The following FMN1 variants were observed in gnomAD, a reference collection of about 807,000 sequenced individuals.
FMN1 encodes the protein formin 1.
Under a neutral mutation model 132.4 loss-of-function variants are expected in FMN1, and 110 were observed. The observed-to-expected ratio is 0.83, with a 90% CI of 0.71 to 0.97. FMN1 has a LOEUF of 0.97. Among genes scored for constraint, FMN1 ranks in the 50% least tolerant of loss-of-function variants. FMN1 has a pLI of 0.00. For synonymous variants in FMN1, 722 were observed against 651.7 expected, an observed-to-expected ratio of 1.11 and a Z score of -1.64; for missense variants, 1,792 against 1,705.3, an observed-to-expected ratio of 1.05 and a Z score of -0.90.
chr15:32,905,048 A>C (rs1213451552), intron 12 of FMN1, among the ~76,000 whole-genome samples: 1 of 152,262 alleles, frequency 6.6e-6, no homozygotes, highest in Non-Finnish European at 1.5e-5. Flanking sequence ...AGAAGACTAA[A>C]TATTCCCAAA....
chr15:33,027,784 G>C (rs1277681067), intron 6 of FMN1, among the ~76,000 whole-genome samples: 1 of 152,110 alleles, frequency 6.6e-6, no homozygotes, highest in Non-Finnish European at 1.5e-5. Context: ...TACATACACA[G>C]CACCTGTTGT....
At position 33,060,575 on chromosome 15, in the gene FMN1, CAT is replaced by C. The variant is rs1172005644; in HGVS notation, c.2161+4380_2161+4381del. ...AAAGATGTGTCTGCTGGAGAGGCCA[CAT>C]GTCTTGACAATTTGCTTACTTTCAA... On this transcript the variant is annotated intron_variant, in intron 6 of 20. Coordinates refer to ENST00000616417, the MANE Select transcript of FMN1 (RefSeq NM_001277313.2). Among the ~76,000 whole-genome samples, 11 of 152,298 alleles carry C rather than the reference CAT, an allele frequency of 7.2e-5. No individual in the cohort carries two copies. The East Asian group carries it at 2.1e-3, about 29-fold the overall frequency.
chr15:32,999,729 G>C (rs932318546), intron 7 of FMN1, among the ~76,000 whole-genome samples: 1 of 152,184 alleles, frequency 6.6e-6, no homozygotes, highest in Non-Finnish European at 1.5e-5. Context: ...ACAACCCAAA[G>C]AACATTAGTT....
chr15:32,908,680 A>G (rs1567372162), intron 11 of FMN1, 102 bp from the exon 12 acceptor site: 3 of 696,878 alleles, frequency 4.3e-6, no homozygotes, highest in Non-Finnish European at 7.2e-6. Context: ...TGTGGTTCCT[A>G]GACTAGCAGC....
rs138234600 is a variant in FMN1 at position 32,911,990 on chromosome 15, A to G, written c.3227-1455T>C. Among the ~76,000 whole-genome samples the G allele has an allele frequency of 1.1e-3, 171 of 152,342 alleles. 1 individual carries two copies. The highest frequency in any genetic ancestry group is 4.0e-3 in the African/African-American group (165 of 41,584). On this transcript the variant is annotated intron_variant, in intron 10 of 20. Coordinates refer to ENST00000616417, the MANE Select transcript of FMN1 (RefSeq NM_001277313.2). Reference sequence around the variant, plus strand: ...TAGTGCGTTGAAAACCAAAATAGCCAGAAACAATGTCTATTTTATGTAAAT... The same window carrying G: ...TAGTGCGTTGAAAACCAAAATAGCCGGAAACAATGTCTATTTTATGTAAAT...
intron 9 of FMN1, among the ~76,000 whole-genome samples, chr15:32,943,706 T>C (rs1596319838): frequency 6.6e-6 from 1 of 152,220 alleles, no homozygotes; most frequent in Admixed American, 6.5e-5. Flanking sequence ...AAATTATAAA[T>C]TAGTATAGGG....
At chr15:33,058,824 A>T (rs1483487915) in intron 6 of FMN1, among the ~76,000 whole-genome samples, 4 of 152,254 alleles carry the variant, frequency 2.6e-5, no homozygotes, top group Non-Finnish European at 1.5e-5. Flanking sequence ...GTTTTGATAC[A>T]GGCATACCAT....
intron 6 of FMN1, among the ~76,000 whole-genome samples, chr15:33,042,596 G>C (rs774273788): frequency 2.0e-5 from 3 of 152,166 alleles, no homozygotes; most frequent in African/African-American, 2.4e-5. Context: ...ATATAAAAGT[G>C]ATTTATAAAC....
chr15:32,862,300 G>C (rs112642299), intron 16 of FMN1, among the ~76,000 whole-genome samples: 15 of 152,252 alleles, frequency 9.9e-5, no homozygotes, highest in African/African-American at 3.6e-4. Context: ...AGGAGCTCCA[G>C]TTAAAAGCCA....
chr15:32,991,645 T>C (rs2033442397), intron 7 of FMN1, among the ~76,000 whole-genome samples: 1 of 152,156 alleles, frequency 6.6e-6, no homozygotes, highest in African/African-American at 2.4e-5. Context: ...TGGCTTGCTG[T>C]CAGACACCTA....
At chr15:32,949,939 G>T (rs1455342877) in intron 9 of FMN1, among the ~76,000 whole-genome samples, 2 of 32,998 alleles carry the variant, frequency 6.1e-5, no homozygotes, top group Non-Finnish European at 1.4e-4. Context: ...AGGCCAAAAA[G>T]CATATATATA....
intron 14 of FMN1, among the ~76,000 whole-genome samples, chr15:32,899,528 A>G (rs1188596547): frequency 6.6e-6 from 1 of 152,240 alleles, no homozygotes; most frequent in African/African-American, 2.4e-5. Flanking sequence ...AGTGATAATC[A>G]GGCTCAGAGA....
At chr15:32,780,721 T>C (rs1055056363) in intron 19 of FMN1, among the ~76,000 whole-genome samples, 9 of 152,138 alleles carry the variant, frequency 5.9e-5, no homozygotes, top group African/African-American at 2.2e-4. Context: ...CAGAAGGGAC[T>C]ATAGTGAGGA....
At chr15:32,826,396 C>T (rs955408452) in intron 17 of FMN1, among the ~76,000 whole-genome samples, 3 of 152,152 alleles carry the variant, frequency 2.0e-5, no homozygotes, top group East Asian at 1.9e-4. Context: ...GGGGGAAAAA[C>T]GCTGCCCTGA....
intron 17 of FMN1, among the ~76,000 whole-genome samples, chr15:32,821,864 C>G (rs995728945): frequency 1.3e-5 from 2 of 152,136 alleles, no homozygotes; most frequent in Admixed American, 1.3e-4. Flanking sequence ...TCCTTTCATT[C>G]TCCTCCTAAA....
intron 4 of FMN1, among the ~76,000 whole-genome samples, chr15:33,092,989 G>A (rs2038956110): frequency 1.3e-5 from 2 of 152,176 alleles, no homozygotes; most frequent in South Asian, 2.1e-4. Context: ...ACCAGATATT[G>A]TCTTTAATCG....
chr15:33,067,065 G>C (rs144742694), intron 5 of FMN1: 4 of 1,613,878 alleles, frequency 2.5e-6, no homozygotes, highest in Non-Finnish European at 2.5e-6. Context: ...AAAAAAGCTG[G>C]AAGTTGGAAT....
In FMN1 at chr15:33,181,710, T is replaced by TC. The variant is rs200640786; in HGVS notation, c.-196-1449_-196-1448insG. Among the ~76,000 whole-genome samples, 963 of 146,516 alleles carry TC rather than the reference T, an allele frequency of 6.6e-3. 9 individuals carry two copies. The highest frequency in any genetic ancestry group is 0.022 in the African/African-American group (878 of 40,022). On this transcript the variant is annotated intron_variant, in intron 2 of 20. Transcript: ENST00000616417. ...TCTTTTCTTTTCTTTTTTCTTTCTT[T>TC]TTTTTTTTTTTTTTTGAGATGGAGT...
chr15:33,080,178 T>G (rs951183817), intron 5 of FMN1, among the ~76,000 whole-genome samples: 2 of 152,212 alleles, frequency 1.3e-5, no homozygotes, highest in Non-Finnish European at 2.9e-5. Context: ...GGGTAGACTC[T>G]TTCATTGGCT....
Sources: gnomAD v4.1 joint callset for allele counts (sites outside exome capture counted in the v4.1 genomes callset) on GRCh38, gnomAD v4.1.1 for gene constraint, MANE v1.5 for transcripts, NCBI Gene and HGNC (gene_info 2026-07-23, HGNC 2026-07-21) for gene names.